The following GPM6A variants were observed in gnomAD, a reference collection of about 807,000 sequenced individuals.
The protein encoded by GPM6A is glycoprotein M6A.
In GPM6A, 7 loss-of-function variants were observed where a neutral mutation model predicts 32.1. The ratio of observed to expected loss-of-function variants is 0.22; its 90% CI spans 0.12 to 0.41. GPM6A has a LOEUF of 0.41. GPM6A is among the 10% of genes least tolerant of loss of function. GPM6A has a pLI of 1.00. For synonymous variants in GPM6A, 130 were observed against 123.4 expected (o/e 1.05, Z -0.35); for missense variants, 235 against 347.2 (o/e 0.68, Z 2.57).
intron 1 of GPM6A, among the ~76,000 whole-genome samples, chr4:175,792,195 T>G (rs537017766): frequency 3.3e-5 from 5 of 152,324 alleles, no homozygotes; most frequent in African/African-American, 9.6e-5. Context: ...ATATGTTTAA[T>G]CCCTCTGTTT....
At position 175,986,042 on chromosome 4, in the gene GPM6A, G is replaced by A. The variant is rs181232557; in HGVS notation, c.-23+16267C>T. ...GCTGGTCTCGAACTCTTGACCTTGC[G>A]ATCTGCCCCCCTCAGCCTCCCAAAG... On this transcript the variant is annotated intron_variant, in intron 1 of 7. Transcript: ENST00000280187. Among the ~76,000 whole-genome samples, 70 of 151,674 alleles carry A rather than the reference G, an allele frequency of 4.6e-4. 1 individual carries two copies. The highest frequency in any genetic ancestry group is 3.4e-3 in the Middle Eastern group (1 of 294).
chr4:175,777,609 T>C (rs1733447091), intron 1 of GPM6A, among the ~76,000 whole-genome samples: 1 of 152,098 alleles, frequency 6.6e-6, no homozygotes, highest in Non-Finnish European at 1.5e-5. Context: ...GGGATTAGCC[T>C]TTATATTTTA....
At chr4:175,650,222 T>C (rs1560851504) in intron 4 of GPM6A, among the ~76,000 whole-genome samples, 1 of 152,140 alleles carries the variant, frequency 6.6e-6, no homozygotes. Context: ...CTAAATAAAA[T>C]AAAACAAAGA....
intron 1 of GPM6A, among the ~76,000 whole-genome samples, chr4:175,744,643 A>G (rs933586481): frequency 1.3e-5 from 2 of 152,146 alleles, no homozygotes; most frequent in Admixed American, 1.3e-4. Context: ...ATAATAACAC[A>G]TGTAAAAGCC....
intron 1 of GPM6A, chr4:175,787,298 A>T: frequency 1.7e-6 from 2 of 1,194,336 alleles, no homozygotes; most frequent in East Asian, 2.5e-5. Flanking sequence ...CAATAGTTTC[A>T]CTGATAATAC....
intron 1 of GPM6A, chr4:175,971,046 C>T (rs954789457): frequency 3.1e-5 from 10 of 323,040 alleles, no homozygotes; most frequent in Non-Finnish European, 4.2e-5. Context: ...GTAAAGGATA[C>T]AGACCCCAGA....
chr4:175,866,604 C>A (rs1462050544), intron 1 of GPM6A, among the ~76,000 whole-genome samples: 1 of 151,992 alleles, frequency 6.6e-6, no homozygotes, highest in Admixed American at 6.6e-5. Context: ...TGGTTTATTT[C>A]TTTTTAGTAA....
intron 1 of GPM6A, among the ~76,000 whole-genome samples, chr4:175,845,751 A>G (rs538683795): frequency 2.7e-4 from 41 of 152,222 alleles, no homozygotes; most frequent in African/African-American, 9.9e-4. Context: ...TCAGATACCA[A>G]TTAATTTTCA....
chr4:175,911,680 TG>T (rs1236414839), intron 1 of GPM6A, among the ~76,000 whole-genome samples: 2 of 152,202 alleles, frequency 1.3e-5, no homozygotes, highest in Non-Finnish European at 2.9e-5. Context: ...GGAGATATTC[TG>T]ACAGCAGGGA....
In GPM6A at chr4:175,823,916, G is replaced by C. The variant is rs999777243; in HGVS notation, c.-22-11667C>G. 2.6e-5 allele frequency among the ~76,000 whole-genome samples: 4 copies of C among 152,134 alleles called. No homozygotes were observed. The East Asian group carries it at 7.7e-4, about 29-fold the overall frequency. ...GCTGGGAGCCTGGACTTCTCCCAATGGGCAATCAAGGTGAAAGGCCCTTCC... is the reference window on the plus strand; with the variant it reads ...GCTGGGAGCCTGGACTTCTCCCAATCGGCAATCAAGGTGAAAGGCCCTTCC... On this transcript the variant is annotated intron_variant, in intron 1 of 7. Coordinates refer to the GPM6A transcript ENST00000280187.
chr4:175,709,176 G>T (rs1745387363), intron 1 of GPM6A, among the ~76,000 whole-genome samples: 1 of 151,452 alleles, frequency 6.6e-6, no homozygotes, highest in African/African-American at 2.4e-5. Flanking sequence ...ATTTCCTTTG[G>T]TCTTCTCCAG....
intron 3 of GPM6A, among the ~76,000 whole-genome samples, chr4:175,654,060 G>A (rs934028881): frequency 3.3e-5 from 5 of 152,058 alleles, no homozygotes; most frequent in Admixed American, 6.6e-5. Context: ...GCCTCTGAAC[G>A]TGGATAAGTA....
intron 1 of GPM6A, among the ~76,000 whole-genome samples, chr4:175,734,147 T>C (rs554795885): frequency 0.045 from 6,632 of 146,786 alleles, 196 homozygotes; most frequent in Non-Finnish European, 0.064. Flanking sequence ...TATATATATA[T>C]ATATATATAT....
chr4:175,859,091 A>C (rs1736499338), intron 1 of GPM6A, among the ~76,000 whole-genome samples: 1 of 152,322 alleles, frequency 6.6e-6, no homozygotes, highest in South Asian at 2.1e-4. Context: ...TTGTTCAGGT[A>C]GAAAGAATTC....
intron 1 of GPM6A, among the ~76,000 whole-genome samples, chr4:175,856,208 T>G (rs1736409800): frequency 6.6e-6 from 1 of 152,262 alleles, no homozygotes; most frequent in Admixed American, 6.5e-5. Flanking sequence ...GAGTAAAATA[T>G]GCAGTTTGAT....
chr4:175,704,370 A>G (rs1204978311), intron 1 of GPM6A, among the ~76,000 whole-genome samples: 3 of 151,766 alleles, frequency 2.0e-5, no homozygotes, highest in Non-Finnish European at 4.4e-5. Context: ...CACCCCACAC[A>G]CACACAATGT....
At chr4:175,719,323 C>T (rs186676738) in intron 1 of GPM6A, among the ~76,000 whole-genome samples, 49 of 152,004 alleles carry the variant, frequency 3.2e-4, no homozygotes, top group Middle Eastern at 6.8e-3. Flanking sequence ...CTCAGCCTCC[C>T]GAGTAGCTGG....
chr4:175,801,248 T>C (rs1244526627), intron 1 of GPM6A, among the ~76,000 whole-genome samples: 1 of 152,140 alleles, frequency 6.6e-6, no homozygotes, highest in Non-Finnish European at 1.5e-5. Context: ...TCCTAATTAT[T>C]TCACATCATA....
intron 1 of GPM6A, among the ~76,000 whole-genome samples, chr4:175,741,670 A>T (rs969046468): frequency 2.0e-5 from 3 of 152,266 alleles, no homozygotes; most frequent in African/African-American, 7.2e-5. Context: ...TGCATTGTTA[A>T]TGACTAACCT....
Sources: gnomAD v4.1 joint callset for allele counts (sites outside exome capture counted in the v4.1 genomes callset) on GRCh38, gnomAD v4.1.1 for gene constraint, MANE v1.5 for transcripts, NCBI Gene and HGNC (gene_info 2026-07-23, HGNC 2026-07-21) for gene names.